The following MYRFL variants were observed in gnomAD, a reference collection of about 807,000 sequenced individuals.
The protein encoded by MYRFL is myelin regulatory factor like, also known as myelin regulatory factor-like protein.
MYRFL carries 88 observed loss-of-function variants against 109.4 expected under a neutral mutation model. The observed-to-expected ratio is 0.80, with a 90% CI of 0.68 to 0.96. The LOEUF is 0.96. MYRFL is among the 40% of genes least tolerant of loss of function. The pLI, the probability that MYRFL is intolerant of heterozygous loss-of-function variation, is 0.00. For synonymous variants in MYRFL, 324 were observed against 320.9 expected, an observed-to-expected ratio of 1.01 and a Z score of -0.10; for missense variants, 957 against 954.9, an observed-to-expected ratio of 1.00 and a Z score of -0.03.
chr12:69,873,344 G>A (rs1268141948), intron 2 of MYRFL, among the ~76,000 whole-genome samples: 7 of 152,158 alleles, frequency 4.6e-5, no homozygotes, highest in African/African-American at 1.2e-4. Flanking sequence ...GCAGCCCACG[G>A]GTGGCGGGTT....
chr12:69,954,004 C>G (rs1354521535), intron 21 of MYRFL, among the ~76,000 whole-genome samples: 11 of 152,078 alleles, frequency 7.2e-5, no homozygotes, highest in African/African-American at 2.4e-4. Context: ...TTTATGACCT[C>G]TATGTTCATT....
chr12:69,841,971 G>A (rs766237679), intron 1 of MYRFL, among the ~76,000 whole-genome samples: 45 of 152,104 alleles, frequency 3.0e-4, no homozygotes, highest in Non-Finnish European at 5.4e-4. Context: ...TTGAAAATGA[G>A]GAAAGTAAAT....
In MYRFL at chr12:69,952,148, C is replaced by T. The variant is rs1290225618; in HGVS notation, c.2260C>T (p.Leu754Phe). Residue 754 changes from leucine (L) to phenylalanine (F), a missense_variant, in exon 20 of 25, where the codon CTC becomes TTC. Leu to Phe is a conservative substitution (Grantham distance 22). Coordinates refer to ENST00000552032, the MANE Select transcript of MYRFL (RefSeq NM_182530.3). ...CAAATCAGTTTTGGCAAGAAATGCACTCAGCGGCCCTGACTGGGAGAGTGA... is the reference window on the plus strand; with the variant it reads ...CAAATCAGTTTTGGCAAGAAATGCATTCAGCGGCCCTGACTGGGAGAGTGA... ...KSKSVLARNALSGPDWESDWI... is the reference protein window; with the variant it reads ...KSKSVLARNAFSGPDWESDWI... 1 of 1,536,080 alleles carries T rather than the reference C, an allele frequency of 6.5e-7. No individual in the cohort carries two copies. The highest frequency in any genetic ancestry group is 2.0e-5 in the Admixed American group (1 of 51,000).
chr12:69,863,747 C>T (rs1057319219), intron 2 of MYRFL, among the ~76,000 whole-genome samples: 2 of 152,160 alleles, frequency 1.3e-5, no homozygotes, highest in African/African-American at 2.4e-5. Context: ...TGTTGGTCTT[C>T]TTCATTTGGG....
intron 15 of MYRFL, among the ~76,000 whole-genome samples, chr12:69,929,101 A>G (rs1440939007): frequency 6.6e-6 from 1 of 152,186 alleles, no homozygotes; most frequent in Non-Finnish European, 1.5e-5. Context: ...AAATGAATAC[A>G]TGAGTGGAGA....
intron 2 of MYRFL, among the ~76,000 whole-genome samples, chr12:69,860,115 C>A (rs1032850367): frequency 6.6e-6 from 1 of 152,014 alleles, no homozygotes; most frequent in African/African-American, 2.4e-5. Flanking sequence ...CCTGGGCCCC[C>A]CAACAGGCTC....
At chr12:69,828,110 A>C (rs1212171393) in intron 1 of MYRFL, among the ~76,000 whole-genome samples, 3 of 152,096 alleles carry the variant, frequency 2.0e-5, no homozygotes, top group Non-Finnish European at 4.4e-5. Context: ...AAAATTGTAA[A>C]AGATTTTGAC....
chr12:69,846,336 C>T (rs1044880267), intron 1 of MYRFL, among the ~76,000 whole-genome samples: 1 of 149,218 alleles, frequency 6.7e-6, no homozygotes, highest in African/African-American at 2.5e-5. Flanking sequence ...CTATCCCTCC[C>T]CCCTCACCCC....
chr12:69,829,925 T>C (rs886696910), intron 1 of MYRFL, among the ~76,000 whole-genome samples: 10 of 152,108 alleles, frequency 6.6e-5, no homozygotes, highest in African/African-American at 9.7e-5. Flanking sequence ...GTCTGTCTTA[T>C]GGGTAAAGAG....
intron 4 of MYRFL, 130 bp downstream of exon 4, chr12:69,879,583 A>C (rs959309931): frequency 3.4e-6 from 2 of 588,356 alleles, no homozygotes; most frequent in South Asian, 2.2e-5. Flanking sequence ...AGACGCGTAT[A>C]GGACATCGCG....
chr12:69,958,144 A>G (rs11177996), intron 23 of MYRFL, 105 bp from the exon 24 acceptor site: 165,192 of 1,206,786 alleles, frequency 0.14, 12,561 homozygotes, highest in Non-Finnish European at 0.16. Flanking sequence ...TGTGATCCCA[A>G]TACTTCTCCT....
At chr12:69,829,012 G>A (rs920074852) in intron 1 of MYRFL, among the ~76,000 whole-genome samples, 4 of 152,144 alleles carry the variant, frequency 2.6e-5, no homozygotes, top group East Asian at 1.9e-4. Context: ...GGAGATTCCC[G>A]CCCAGATTGA....
intron 2 of MYRFL, among the ~76,000 whole-genome samples, chr12:69,877,244 C>T (rs886404764): frequency 3.9e-5 from 6 of 152,006 alleles, no homozygotes; most frequent in Non-Finnish European, 8.8e-5. Flanking sequence ...GGGATGCCCT[C>T]GATCTCCTGA....
chr12:69,932,887 G>GTGTGTGTT (rs1555257518), intron 16 of MYRFL, among the ~76,000 whole-genome samples: 8 of 151,626 alleles, frequency 5.3e-5, no homozygotes, highest in South Asian at 4.2e-4. Flanking sequence ...GTGTGTTTGT[G>GTGTGTGTT]TGTGTGTGTG....
At chr12:69,835,513 T>A (rs1882880574) in intron 1 of MYRFL, among the ~76,000 whole-genome samples, 1 of 152,256 alleles carries the variant, frequency 6.6e-6, no homozygotes, top group Admixed American at 6.5e-5. Context: ...TATTTTTTTA[T>A]TCATCTGTAT....
intron 2 of MYRFL, among the ~76,000 whole-genome samples, chr12:69,860,973 C>T (rs951913580): frequency 6.9e-6 from 1 of 145,496 alleles, no homozygotes; most frequent in Non-Finnish European, 1.5e-5. Context: ...GTTCAGTTCC[C>T]ACCTATGAGC....
At chr12:69,826,339 C>A (rs1221581172) in intron 1 of MYRFL, among the ~76,000 whole-genome samples, 1 of 152,082 alleles carries the variant, frequency 6.6e-6, no homozygotes, top group Non-Finnish European at 1.5e-5. Context: ...TTGGTATTGT[C>A]TACCTGGGTC....
chr12:69,887,431 C>T (rs889802001), intron 6 of MYRFL, among the ~76,000 whole-genome samples: 2 of 152,244 alleles, frequency 1.3e-5, no homozygotes, highest in East Asian at 3.9e-4. Context: ...CTGCAGCAAT[C>T]GTGGTAGATG....
At chr12:69,915,212 G>A (rs958856616) in intron 13 of MYRFL, among the ~76,000 whole-genome samples, 1 of 152,032 alleles carries the variant, frequency 6.6e-6, no homozygotes, top group Non-Finnish European at 1.5e-5. Flanking sequence ...CTATTCATGT[G>A]GGCAGTGTGG....
Sources: gnomAD v4.1 joint callset for allele counts (sites outside exome capture counted in the v4.1 genomes callset) on GRCh38, gnomAD v4.1.1 for gene constraint, MANE v1.5 for transcripts, NCBI Gene and HGNC (gene_info 2026-07-23, HGNC 2026-07-21) for gene names.